Variants in LRRC8B observed in about 807,000 individuals in gnomAD.
LRRC8B encodes leucine rich repeat containing 8 VRAC subunit B, also known as volume-regulated anion channel subunit LRRC8B.
In LRRC8B, 23 loss-of-function variants were observed where a neutral mutation model predicts 58.8. The observed-to-expected ratio is 0.39, with a 90% CI of 0.28 to 0.55. The LOEUF (loss-of-function observed/expected upper bound fraction) is 0.55, where lower values mean the gene tolerates loss of function less well. LRRC8B is among the 20% of genes least tolerant of loss of function. The probability of loss-of-function intolerance (pLI) is 0.62; values close to 1 mark genes in which losing one functional copy is unlikely to be tolerated. For missense variants in LRRC8B, 694 were observed against 936.0 expected (o/e 0.74, Z 3.37); for synonymous variants, 359 against 374.1 (o/e 0.96, Z 0.47).
chr1:89,587,686 C>T (rs12135419), intron 5 of LRRC8B, among the ~76,000 whole-genome samples: 71,139 of 151,986 alleles, frequency 0.47, 16,931 homozygotes, highest in South Asian at 0.56. Context: ...ACTTGGGCAG[C>T]GTATCAGGTT....
intron 1 of LRRC8B, among the ~76,000 whole-genome samples, chr1:89,557,965 C>A (rs1186430334): frequency 6.6e-6 from 1 of 152,110 alleles, no homozygotes; most frequent in Non-Finnish European, 1.5e-5. Flanking sequence ...AAGAAAACTT[C>A]TGTAAAAATG....
At chr1:89,585,093 A>G (rs1243929464) in intron 5 of LRRC8B, among the ~76,000 whole-genome samples, 3 of 152,234 alleles carry the variant, frequency 2.0e-5, no homozygotes, top group Admixed American at 6.5e-5. Flanking sequence ...ATTTTAAACT[A>G]TTTAATTCAT....
intron 1 of LRRC8B, among the ~76,000 whole-genome samples, chr1:89,561,258 T>C (rs1210999742): frequency 2.0e-5 from 3 of 149,372 alleles, no homozygotes; most frequent in African/African-American, 7.3e-5. Context: ...TGTAAATTTG[T>C]TTGAGTTCAC....
intron 1 of LRRC8B, among the ~76,000 whole-genome samples, chr1:89,551,440 A>G (rs531387279): frequency 6.6e-6 from 1 of 152,254 alleles, no homozygotes; most frequent in Admixed American, 6.5e-5. Context: ...CATTATATAG[A>G]TGTTCAGAGT....
intron 5 of LRRC8B, among the ~76,000 whole-genome samples, chr1:89,589,785 G>T (rs575045930): frequency 8.7e-5 from 12 of 138,718 alleles, no homozygotes; most frequent in Non-Finnish European, 1.7e-4. Flanking sequence ...AAAAAAAAAA[G>T]GAAATCTGGT....
intron 1 of LRRC8B, among the ~76,000 whole-genome samples, chr1:89,548,390 A>G (rs1258112534): frequency 7.2e-5 from 11 of 152,226 alleles, no homozygotes. Context: ...AATGAATGCA[A>G]GTGGTCACTA....
In LRRC8B at chr1:89,584,245, A is replaced by T. The variant is rs866882806; in HGVS notation, c.1595A>T (p.Glu532Val). The T allele has an allele frequency of 3.7e-6, 6 of 1,612,744 alleles. No individual in the cohort carries two copies. The highest frequency in any genetic ancestry group is 5.1e-6 in the Non-Finnish European group (6 of 1,180,012). ...LPEQLSTMQL[E>V]GFQDLKNLRT... Reference sequence around the variant, plus strand: ...GAACAGTTGAGTACTATGCAGTTGGAGGGCTTTCAGGACTTAAAAAATCTA... The same window carrying T: ...GAACAGTTGAGTACTATGCAGTTGGTGGGCTTTCAGGACTTAAAAAATCTA... Residue 532 changes from glutamate (E) to valine (V), a missense_variant, in exon 5 of 6, where the codon GAG (glutamate) becomes GTG (valine). Transcript: ENST00000330947.
chr1:89,597,519 T>A lies in LRRC8B; in HGVS notation c.*4476T>A, dbSNP rs950218043. 1.2e-4 allele frequency: 19 copies of A among 152,244 alleles called. No homozygotes were observed. The highest frequency in any genetic ancestry group is 3.4e-4 in the African/African-American group (14 of 41,468). The allele number at this position is 152,244 out of a possible 1,614,324, so 9.4% of individuals were successfully genotyped here. Reference sequence around the variant, plus strand: ...TTAATGTTTACAAGAAGATTTTTTTTAAATTCTTCAAATACTTCACTTAGT... The same window carrying A: ...TTAATGTTTACAAGAAGATTTTTTTAAAATTCTTCAAATACTTCACTTAGT... On this transcript the variant is annotated 3_prime_UTR_variant, in exon 6 of 6. Transcript: ENST00000330947.
rs1220161920 is a variant in LRRC8B, at chr1:89,597,190, A to G, written c.*4147A>G. 1 of 152,188 alleles carries G rather than the reference A, an allele frequency of 6.6e-6. No individual in the cohort carries two copies. The highest frequency in any genetic ancestry group is 1.5e-5 in the Non-Finnish European group (1 of 68,020). 9.4% of individuals were successfully genotyped at this position (152,188 alleles called of 1,614,324 possible). A position where few individuals can be genotyped will look rare whatever the true frequency, so the allele number is the denominator to read the frequency against. ...CTGTATCCACAGGGAGCTATCTACTACATACCTTTGGTAACAGGCTACATT... is the reference window on the plus strand; with the variant it reads ...CTGTATCCACAGGGAGCTATCTACTGCATACCTTTGGTAACAGGCTACATT... On this transcript the variant is annotated 3_prime_UTR_variant, in exon 6 of 6. Coordinates refer to ENST00000330947, the MANE Select transcript of LRRC8B (RefSeq NM_001369817.2).
chr1:89,584,798 A>G lies in LRRC8B; in HGVS notation c.2139+9A>G, dbSNP rs767665448. 1 of 1,553,584 alleles carries G rather than the reference A, an allele frequency of 6.4e-7. No homozygotes were observed. Among genetic ancestry groups the G allele is most frequent in the Non-Finnish European group, 8.8e-7 (1 of 1,141,452 alleles). ...CTGTGACCAACAACAATGTAAGTAAATCCATTCTTTCTTTTATTCAGTATC... is the reference window on the plus strand; with the variant it reads ...CTGTGACCAACAACAATGTAAGTAAGTCCATTCTTTCTTTTATTCAGTATC... On this transcript the variant is annotated intron_variant, in intron 5 of 5. Coordinates refer to ENST00000330947, the MANE Select transcript of LRRC8B (RefSeq NM_001369817.2).
At chr1:89,566,488 G>A (rs12116782) in intron 1 of LRRC8B, among the ~76,000 whole-genome samples, 61,584 of 152,104 alleles carry the variant, frequency 0.4, 13,721 homozygotes, top group South Asian at 0.55. Flanking sequence ...TGATATTCCA[G>A]TGATTCCTGC....
At chr1:89,562,594 C>T (rs1248173141) in intron 1 of LRRC8B, among the ~76,000 whole-genome samples, 1 of 152,122 alleles carries the variant, frequency 6.6e-6, no homozygotes, top group African/African-American at 2.4e-5. Flanking sequence ...TCTCATCCCC[C>T]TGAGTAGCTG....
In LRRC8B at chr1:89,556,635, C is replaced by G. The variant is rs561130664; in HGVS notation, c.-240-11612C>G. On this transcript the variant is annotated intron_variant, in intron 1 of 5. Transcript: ENST00000330947. ...CAGTTGGTGTTACAGGGAGTGATAT[C>G]AGAAAAAAAGACATCTCACTCTGCA... is the stretch of plus-strand genomic sequence containing the variant. Among the ~76,000 whole-genome samples, 6 of 152,048 alleles carry G rather than the reference C, an allele frequency of 3.9e-5. No homozygotes were observed. The South Asian group carries it at 1.2e-3, about 32-fold the overall frequency.
chr1:89,533,408 C>G (rs1178922504), intron 1 of LRRC8B, among the ~76,000 whole-genome samples: 2 of 152,180 alleles, frequency 1.3e-5, no homozygotes, highest in African/African-American at 4.8e-5. Flanking sequence ...ACCAGCTGTC[C>G]TAAACTATTT....
At chr1:89,550,958 A>G (rs989695821) in intron 1 of LRRC8B, among the ~76,000 whole-genome samples, 2 of 152,074 alleles carry the variant, frequency 1.3e-5, no homozygotes, top group Non-Finnish European at 2.9e-5. Context: ...TTTAGAATCT[A>G]TAATTGTTCT....
At chr1:89,586,309 G>T (rs1396227176) in intron 5 of LRRC8B, among the ~76,000 whole-genome samples, 2 of 152,270 alleles carry the variant, frequency 1.3e-5, no homozygotes, top group East Asian at 1.9e-4. Context: ...GTCTAGAAGT[G>T]TATCAGTGCC....
chr1:89,559,603 C>CAAAA (rs1204800773), intron 1 of LRRC8B, among the ~76,000 whole-genome samples: 32 of 131,304 alleles, frequency 2.4e-4, no homozygotes, highest in East Asian at 1.8e-3. Context: ...GACCCTGTCT[C>CAAAA]AAAAAAAAAA....
At chr1:89,588,642 G>T (rs187911561) in intron 5 of LRRC8B, among the ~76,000 whole-genome samples, 3 of 152,230 alleles carry the variant, frequency 2.0e-5, no homozygotes, top group Admixed American at 1.3e-4. Flanking sequence ...GCTTGAAAGT[G>T]CTAGTTAGCC....
At chr1:89,571,982 T>C (rs1010578191) in intron 3 of LRRC8B, among the ~76,000 whole-genome samples, 2 of 152,190 alleles carry the variant, frequency 1.3e-5, no homozygotes, top group African/African-American at 2.4e-5. Context: ...GTCTCAATGA[T>C]CTGTCTAATA....
Sources: gnomAD v4.1 joint callset for allele counts (sites outside exome capture counted in the v4.1 genomes callset) on GRCh38, gnomAD v4.1.1 for gene constraint, MANE v1.5 for transcripts, NCBI Gene and HGNC (gene_info 2026-07-23, HGNC 2026-07-21) for gene names.